TYW1: variants seen among roughly 807,000 people sequenced by gnomAD.
TYW1 encodes tRNA-yW synthesizing protein 1 homolog.
Under a neutral mutation model 96.2 loss-of-function variants are expected in TYW1, and 46 were observed. That is an observed-to-expected ratio of 0.48 (90% confidence interval 0.38 to 0.61). TYW1 has a LOEUF of 0.61. Ranked by LOEUF, TYW1 falls within the 20% of genes least tolerant of loss-of-function variation. TYW1 has a pLI of 0.00. For missense variants in TYW1, 684 were observed against 909.6 expected, an observed-to-expected ratio of 0.75 and a Z score of 3.19; for synonymous variants, 274 against 323.0, an observed-to-expected ratio of 0.85 and a Z score of 1.63.
At chr7:67,222,057 C>T (rs1801407885) in intron 15 of TYW1, among the ~76,000 whole-genome samples, 1 of 151,870 alleles carries the variant, frequency 6.6e-6, no homozygotes, top group African/African-American at 2.4e-5. Context: ...ATTGTCCAGG[C>T]ATTGTGGTGG....
intron 7 of TYW1, among the ~76,000 whole-genome samples, chr7:67,035,978 G>A (rs1246740066): frequency 1.3e-5 from 2 of 149,960 alleles, no homozygotes; most frequent in Non-Finnish European, 3.0e-5. Flanking sequence ...TGCCCGGCCG[G>A]TTCTATTGTT....
chr7:67,178,763 T>G (rs1018202077), intron 13 of TYW1, among the ~76,000 whole-genome samples: 1 of 151,498 alleles, frequency 6.6e-6, no homozygotes, highest in African/African-American at 2.4e-5. Context: ...ATATTAGATA[T>G]TAGTCAGGTG....
intron 12 of TYW1, among the ~76,000 whole-genome samples, chr7:67,103,303 A>G (rs1188571654): frequency 6.6e-6 from 1 of 152,216 alleles, no homozygotes; most frequent in African/African-American, 2.4e-5. Flanking sequence ...GCTTGGGAAT[A>G]ATGTGTGTCC....
intron 15 of TYW1, among the ~76,000 whole-genome samples, chr7:67,208,926 A>G (rs1482614058): frequency 6.6e-6 from 1 of 152,158 alleles, no homozygotes; most frequent in Non-Finnish European, 1.5e-5. Context: ...CATGCGAATC[A>G]TTTCTTAATT....
At chr7:67,062,653 A>G (rs1419394606) in intron 9 of TYW1, among the ~76,000 whole-genome samples, 2 of 152,028 alleles carry the variant, frequency 1.3e-5, no homozygotes, top group Non-Finnish European at 2.9e-5. Flanking sequence ...GATTGAAAGG[A>G]TGATAAGGGA....
chr7:67,214,068 T>G (rs922316935), intron 15 of TYW1, among the ~76,000 whole-genome samples: 3 of 152,208 alleles, frequency 2.0e-5, no homozygotes, highest in Admixed American at 2.0e-4. Context: ...GGATTTTGAT[T>G]GGGATTGCCC....
intron 7 of TYW1, among the ~76,000 whole-genome samples, chr7:67,049,616 G>A (rs186159508): frequency 2.0e-5 from 3 of 151,538 alleles, no homozygotes; most frequent in African/African-American, 4.8e-5. Flanking sequence ...GTGTGATCTC[G>A]GCTCACTGCA....
rs576134064 is a variant in TYW1 at position 67,035,697 on chromosome 7, G to A, written c.984+10675G>A. ...CATTGTTCTTTTTGTTTGTTTGTTT[G>A]AGATGGAGTCTTCCTCTGTTGCCCA... On this transcript the variant is annotated intron_variant, in intron 7 of 15. Transcript: ENST00000359626. 9.7e-4 allele frequency among the ~76,000 whole-genome samples: 148 copies of A among 152,196 alleles called. 1 individual carries two copies. The highest frequency in any genetic ancestry group is 2.2e-3 in the African/African-American group (92 of 41,494).
At chr7:67,169,929 G>T (rs1187171286) in intron 13 of TYW1, among the ~76,000 whole-genome samples, 1 of 152,100 alleles carries the variant, frequency 6.6e-6, no homozygotes. Context: ...ACTTTTTCAG[G>T]AGCTGCCAAC....
rs1179240510 is a variant in TYW1, at chr7:67,018,159, G to A, written c.861+16G>A. The A allele has an allele frequency of 6.2e-7, 1 of 1,605,030 alleles. No homozygotes were observed. The highest frequency in any genetic ancestry group is 1.3e-5 in the African/African-American group (1 of 74,806). ...AGACACCGAGGTATACCGCCTGTGT[G>A]TTCATCTCTCGAGGCTTTCCTCTTC... On this transcript the variant is annotated intron_variant, in intron 6 of 15. Coordinates refer to ENST00000359626, the MANE Select transcript of TYW1 (RefSeq NM_018264.4).
intron 3 of TYW1, among the ~76,000 whole-genome samples, chr7:67,006,659 C>T (rs1346123835): frequency 3.3e-5 from 5 of 151,888 alleles, no homozygotes; most frequent in Admixed American, 1.3e-4. Context: ...AGGCTGGTCT[C>T]GATCTCCTGA....
chr7:67,159,112 CGATTA>C (rs1799077101), intron 13 of TYW1, among the ~76,000 whole-genome samples: 1 of 152,002 alleles, frequency 6.6e-6, no homozygotes, highest in Non-Finnish European at 1.5e-5. Flanking sequence ...ATGAAGGCTT[CGATTA>C]CTGATTTTTT....
chr7:67,093,326 A>G (rs1407835833), intron 11 of TYW1, among the ~76,000 whole-genome samples: 1 of 152,212 alleles, frequency 6.6e-6, no homozygotes, highest in Admixed American at 6.5e-5. Flanking sequence ...GTGTGTGTGT[A>G]AAATCTCCAT....
intron 13 of TYW1, among the ~76,000 whole-genome samples, chr7:67,175,417 T>C (rs913055993): frequency 2.6e-5 from 4 of 152,182 alleles, no homozygotes; most frequent in African/African-American, 9.7e-5. Context: ...GTGATCCACC[T>C]GCCTCAGCCT....
intron 13 of TYW1, among the ~76,000 whole-genome samples, chr7:67,129,171 G>T (rs1275450801): frequency 6.6e-6 from 1 of 152,174 alleles, no homozygotes; most frequent in East Asian, 1.9e-4. Context: ...TGGTTAGTTA[G>T]GCTCTGATAA....
chr7:67,116,434 C>T (rs535368119), intron 12 of TYW1, among the ~76,000 whole-genome samples: 16 of 152,100 alleles, frequency 1.1e-4, no homozygotes, highest in African/African-American at 3.6e-4. Flanking sequence ...GCCTCTAATT[C>T]TAACAGTTTG....
chr7:67,135,863 G>A (rs1798238038), intron 13 of TYW1, among the ~76,000 whole-genome samples: 1 of 152,194 alleles, frequency 6.6e-6, no homozygotes, highest in Non-Finnish European at 1.5e-5. Context: ...GTGTACAGCA[G>A]ACATTGGGTC....
intron 3 of TYW1, among the ~76,000 whole-genome samples, chr7:67,007,703 C>T (rs181099543): frequency 3.3e-5 from 5 of 152,140 alleles, no homozygotes; most frequent in Admixed American, 6.6e-5. Flanking sequence ...GGCACGATCT[C>T]GGCTCACTGC....
intron 7 of TYW1, among the ~76,000 whole-genome samples, chr7:67,033,850 A>G (rs1180298803): frequency 6.6e-6 from 1 of 151,730 alleles, no homozygotes; most frequent in Non-Finnish European, 1.5e-5. Flanking sequence ...GCCTGCAACC[A>G]TGCCTGGCTA....
Sources: allele counts gnomAD v4.1 joint callset (sites outside exome capture counted in the v4.1 genomes callset), GRCh38; gene constraint gnomAD v4.1.1; transcripts MANE v1.5; gene names NCBI Gene and HGNC (gene_info 2026-07-23, HGNC 2026-07-21).